The following CHD7 variants were observed in gnomAD, a reference collection of about 807,000 sequenced individuals.
The protein encoded by CHD7 is ATP-dependent chromatin remodeler CHD7.
CHD7 carries 24 observed loss-of-function variants against 307.3 expected under a neutral mutation model. The ratio of observed to expected loss-of-function variants is 0.08; its 90% CI spans 0.06 to 0.11. The LOEUF is 0.11. Ranked by LOEUF, CHD7 falls within the 10% of genes least tolerant of loss-of-function variation. The pLI, the probability that CHD7 is intolerant of heterozygous loss-of-function variation, is 1.00. For missense variants in CHD7, 3,106 were observed against 3,727.1 expected, an observed-to-expected ratio of 0.83 and a Z score of 4.34; for synonymous variants, 1,363 against 1,349.9, an observed-to-expected ratio of 1.01 and a Z score of -0.21.
intron 1 of CHD7, among the ~76,000 whole-genome samples, chr8:60,682,519 C>T (rs1721312601): frequency 6.6e-6 from 1 of 152,152 alleles, no homozygotes; most frequent in Non-Finnish European, 1.5e-5. Context: ...TCTTTCAAAC[C>T]TAAGATTACA....
rs1805397578 is a variant in CHD7 at position 60,678,773 on chromosome 8, G to GGCGGCA, written c.-479_-478insAGCGGC. 1 of 142,626 alleles carries GGCGGCA rather than the reference G, an allele frequency of 7.0e-6. No homozygotes were observed. Among genetic ancestry groups the GGCGGCA allele is most frequent in the Admixed American group, 7.0e-5 (1 of 14,352 alleles). The allele number at this position is 142,626 out of a possible 1,614,324, so 8.8% of individuals were successfully genotyped here. On this transcript the variant is annotated 5_prime_UTR_variant, in exon 1 of 38. Transcript: ENST00000423902. ...GCTGGCGTGCTGGGGCCGCGGCGGC[G>GGCGGCA]GCGGCGGCGGCGGCGGCAGCGGCGG... is the stretch of plus-strand genomic sequence containing the variant.
intron 3 of CHD7, among the ~76,000 whole-genome samples, chr8:60,783,700 C>G (rs1015187194): frequency 2.0e-5 from 3 of 152,174 alleles, no homozygotes; most frequent in Non-Finnish European, 4.4e-5. Context: ...TGGAACACGT[C>G]TGATGAGCCT....
In CHD7 at chr8:60,785,507, G is replaced by T. The variant is rs541573111; in HGVS notation, c.2096+4077G>T. Among the ~76,000 whole-genome samples the T allele has an allele frequency of 1.1e-4, 16 of 152,270 alleles. No individual in the cohort carries two copies. In the South Asian group the frequency reaches 3.3e-3, roughly 32 times the overall value. On this transcript the variant is annotated intron_variant, in intron 3 of 37. Coordinates refer to ENST00000423902, the MANE Select transcript of CHD7 (RefSeq NM_017780.4). ...ACTATCATTATCATTAATAGTAGTAGTATTTGTATAGCAGCTTTCTCTGAG... is the reference window on the plus strand; with the variant it reads ...ACTATCATTATCATTAATAGTAGTATTATTTGTATAGCAGCTTTCTCTGAG...
At chr8:60,695,239 T>TC (rs1261609993) in intron 1 of CHD7, among the ~76,000 whole-genome samples, 1 of 152,212 alleles carries the variant, frequency 6.6e-6, no homozygotes, top group African/African-American at 2.4e-5. Context: ...ATAAAGCTAC[T>TC]CCATTGATAA....
intron 7 of CHD7, among the ~76,000 whole-genome samples, chr8:60,812,485 A>G (rs1812857287): frequency 6.6e-6 from 1 of 152,050 alleles, no homozygotes. Context: ...CAACATAGCG[A>G]AACCCCATCT....
intron 2 of CHD7, among the ~76,000 whole-genome samples, chr8:60,744,004 G>C (rs1809193609): frequency 6.6e-6 from 1 of 152,164 alleles, no homozygotes; most frequent in Non-Finnish European, 1.5e-5. Flanking sequence ...GGGGAAATAA[G>C]ACTTGCATGT....
intron 2 of CHD7, among the ~76,000 whole-genome samples, chr8:60,745,859 C>A (rs143232726): frequency 6.6e-6 from 1 of 152,056 alleles, no homozygotes; most frequent in Non-Finnish European, 1.5e-5. Context: ...AAAATAGCAC[C>A]CAGCACAAAG....
chr8:60,823,812 T>G (rs779993135), intron 12 of CHD7, 28 bp from the exon 13 acceptor site: 2 of 1,580,480 alleles, frequency 1.3e-6, no homozygotes, highest in South Asian at 1.1e-5. Context: ...CATTAATGCT[T>G]AATAATAATT....
chr8:60,844,000 A>G (rs1027122437), intron 21 of CHD7, among the ~76,000 whole-genome samples: 4 of 152,104 alleles, frequency 2.6e-5, no homozygotes, highest in African/African-American at 9.7e-5. Flanking sequence ...TCCAAACACA[A>G]CTCTCAGTCT....
intron 2 of CHD7, among the ~76,000 whole-genome samples, chr8:60,746,047 AT>A (rs1003333145): frequency 1.3e-4 from 20 of 152,042 alleles, no homozygotes; most frequent in African/African-American, 4.8e-4. Flanking sequence ...TTTATTTATT[AT>A]TTTTTGAGAT....
In CHD7 at chr8:60,743,054, A is replaced by G. The variant is rs1388338640; in HGVS notation, c.1622A>G (p.His541Arg). 7 of 1,613,802 alleles carry G rather than the reference A, an allele frequency of 4.3e-6. No homozygotes were observed. The highest frequency in any genetic ancestry group is 5.9e-6 in the Non-Finnish European group (7 of 1,179,880). ...CATCACCAGCCTTGGGCACAGCTCCACCCATCACCCCAGAACACCCCGCAG... is the reference window on the plus strand; with the variant it reads ...CATCACCAGCCTTGGGCACAGCTCCGCCCATCACCCCAGAACACCCCGCAG... Reference protein sequence around the residue: ...HPHHQPWAQLHPSPQNTPQKV... With the variant: ...HPHHQPWAQLRPSPQNTPQKV... Residue 541 changes from histidine to arginine, a missense_variant, in exon 2 of 38, where the codon CAC becomes CGC. Coordinates refer to ENST00000423902, the MANE Select transcript of CHD7 (RefSeq NM_017780.4).
intron 15 of CHD7, among the ~76,000 whole-genome samples, chr8:60,833,082 T>A (rs1804594879): frequency 6.6e-6 from 1 of 152,238 alleles, no homozygotes; most frequent in Admixed American, 6.5e-5. Flanking sequence ...GGGCCCGTAC[T>A]GTTCATTCTC....
In CHD7 at chr8:60,856,745, C is replaced by A. The variant is rs889746241; in HGVS notation, c.7465C>A (p.Leu2489Ile). The change falls in exon 34 of 38, where the codon CTT becomes ATT. Residue 2489 changes from leucine to isoleucine, a missense_variant. Transcript: ENST00000423902. The part of the protein sequence containing the change: ...KTQMELLQAG[L>I]SRTPTRHLLN... ...TCAAATGGAACTGCTCCAAGCAGGC[C>A]TTTCGCGCACACCCACAAGGCATCT... 6.2e-7 allele frequency: 1 copy of A among 1,614,058 alleles called. No individual in the cohort carries two copies. The highest frequency in any genetic ancestry group is 1.7e-5 in the Admixed American group (1 of 60,036).
At chr8:60,751,953 A>G (rs1162542224) in intron 2 of CHD7, among the ~76,000 whole-genome samples, 2 of 152,200 alleles carry the variant, frequency 1.3e-5, no homozygotes, top group African/African-American at 4.8e-5. Context: ...GAAGGCTGCA[A>G]GGCACTTCCT....
chr8:60,803,603 G>T (rs1022202014), intron 6 of CHD7, among the ~76,000 whole-genome samples: 2 of 152,174 alleles, frequency 1.3e-5, no homozygotes, highest in South Asian at 2.1e-4. Context: ...CTGGAAGGGA[G>T]ATATGCTTTG....
intron 2 of CHD7, among the ~76,000 whole-genome samples, chr8:60,766,933 A>G (rs1810496471): frequency 6.6e-6 from 1 of 152,160 alleles, no homozygotes; most frequent in African/African-American, 2.4e-5. Context: ...TCGCTGGGAG[A>G]GAAAAAAGCA....
chr8:60,723,072 G>C (rs1286874091), intron 1 of CHD7, among the ~76,000 whole-genome samples: 1 of 152,050 alleles, frequency 6.6e-6, no homozygotes, highest in Non-Finnish European at 1.5e-5. Context: ...GGTTTAATGA[G>C]TTACATAAAT....
At chr8:60,703,630 G>C (rs554520131) in intron 1 of CHD7, among the ~76,000 whole-genome samples, 1 of 152,312 alleles carries the variant, frequency 6.6e-6, no homozygotes, top group South Asian at 2.1e-4. Context: ...CTGTCTGTGA[G>C]TACAAGCTGA....
chr8:60,812,729 A>G (rs1343970064), intron 7 of CHD7, among the ~76,000 whole-genome samples: 2 of 149,970 alleles, frequency 1.3e-5, no homozygotes, highest in Non-Finnish European at 3.0e-5. Context: ...ATTTTGTCCT[A>G]AAGTTTTTAT....
Sources: allele counts gnomAD v4.1 joint callset (sites outside exome capture counted in the v4.1 genomes callset), GRCh38; gene constraint gnomAD v4.1.1; transcripts MANE v1.5; gene names NCBI Gene and HGNC (gene_info 2026-07-23, HGNC 2026-07-21).